The following APH1A variants were observed in gnomAD, a reference collection of about 807,000 sequenced individuals.
APH1A encodes gamma-secretase subunit APH-1A.
APH1A carries 16 observed loss-of-function variants against 30.3 expected under a neutral mutation model. That is an observed-to-expected ratio of 0.53 (90% confidence interval 0.36 to 0.80). The LOEUF (loss-of-function observed/expected upper bound fraction) is 0.80. APH1A is among the 30% of genes least tolerant of loss of function. APH1A has a pLI of 0.01. For synonymous variants in APH1A, 144 were observed against 140.1 expected, an observed-to-expected ratio of 1.03 and a Z score of -0.20; for missense variants, 245 against 337.8, an observed-to-expected ratio of 0.73 and a Z score of 2.15.
intron 1 of APH1A, 48 bp downstream of exon 1, chr1:150,268,650 C>A (rs782497628): frequency 6.4e-7 from 1 of 1,556,494 alleles, no homozygotes. Flanking sequence ...GCCCCTTCCG[C>A]ACCTCTCTCT....
In APH1A at chr1:150,267,111, G is replaced by A. The variant is rs1553850077; in HGVS notation, c.573C>T (p.Gly191=). The A allele has an allele frequency of 1.9e-6, 3 of 1,614,116 alleles. No individual in the cohort carries two copies. Among genetic ancestry groups the A allele is most frequent in the African/African-American group, 1.3e-5 (1 of 74,980 alleles). Residue 191 remains glycine (G), a synonymous_variant, in exon 5 of 7, where the codon GGC becomes GGT. Transcript: ENST00000369109. ...ACERRRYWAL[G]LVVGSHLLTS... ...TCAGTAGGTGACTCCCAACCACCAG[G>A]CCCAAAGCCCAGTACCGTCTCCTCT...
rs1283191804 is a variant in APH1A, at chr1:150,268,814, T to C, written c.-4A>G. The C allele has an allele frequency of 1.2e-6, 2 of 1,609,610 alleles. No homozygotes were observed. The highest frequency in any genetic ancestry group is 1.7e-6 in the Non-Finnish European group (2 of 1,178,084). On this transcript the variant is annotated 5_prime_UTR_variant, in exon 1 of 7. Transcript: ENST00000369109. ...CGAAAAACACCGCAGCCCCCATGGCTGGTCAGGTGGGAAGGGGGGTGGGGG... is the reference window on the plus strand; with the variant it reads ...CGAAAAACACCGCAGCCCCCATGGCCGGTCAGGTGGGAAGGGGGGTGGGGG...
Position 150,268,661 on chromosome 1 carries a change from T to C in APH1A, c.113+37A>G, listed in dbSNP as rs782501147. The C allele has an allele frequency of 8.9e-6, 14 of 1,578,782 alleles. No homozygotes were observed. In the South Asian group the frequency reaches 1.0e-4, roughly 12 times the overall value. On this transcript the variant is annotated intron_variant, in intron 1 of 6. Coordinates refer to ENST00000369109, the MANE Select transcript of APH1A (RefSeq NM_001077628.3). ...TCCAGCCCCTTCCGCACCTCTCTCT[T>C]CGACGCTCTCCCGCGTCTCCCGGGC...
chr1:150,266,475 G>A (rs1553849911), intron 6 of APH1A, 58 bp downstream of exon 6: 1 of 1,611,076 alleles, frequency 6.2e-7, no homozygotes, highest in Non-Finnish European at 8.5e-7. Flanking sequence ...CTCAGTCATG[G>A]GCAGTGGACA....
chr1:150,266,606 G>A lies in APH1A; in HGVS notation c.660C>T (p.Val220=), dbSNP rs1553849968. ...AGGCCCAGAGCCCCATGGAAACAGT[G>A]ACTGCATAGATGGGCAGCAGGCTGG... ...YEASLLPIYA[V]TVSMGLWAFI... is the part of the protein sequence containing the mutation. The change falls in exon 6 of 7, where the codon GTC becomes GTT. Residue 220 remains valine, a synonymous_variant. Transcript: ENST00000369109. The A allele has an allele frequency of 1.9e-6, 3 of 1,613,938 alleles. No homozygotes were observed. Among genetic ancestry groups the A allele is most frequent in the Non-Finnish European group, 2.5e-6 (3 of 1,179,954 alleles).
rs587634729 is a variant in APH1A, at chr1:150,269,000, C to T, written c.-190G>A. On this transcript the variant is annotated 5_prime_UTR_variant, in exon 1 of 7. Transcript: ENST00000369109. ...CAAATGAAGGTCCGCGCCACTTCCT[C>T]TACGGAAGCCGAAGAGGGGACAAAT... The T allele has an allele frequency of 1.4e-4, 77 of 547,786 alleles. No homozygotes were observed. In the East Asian group the frequency reaches 1.6e-3, roughly 12 times the overall value. 33.9% of individuals were successfully genotyped at this position (547,786 alleles called of 1,614,324 possible).
chr1:150,267,295 T>A lies in APH1A; in HGVS notation c.481+61A>T, dbSNP rs1015865086. ...AAAGAAGTCTCTCAGGGAAGGCCAA[T>A]AAATCAGATCAGGGACAAGGATGGA... is the stretch of plus-strand genomic sequence containing the variant. On this transcript the variant is annotated intron_variant, in intron 4 of 6. Transcript: ENST00000369109. 117 of 1,612,854 alleles carry A rather than the reference T, an allele frequency of 7.3e-5. No homozygotes were observed. In the Admixed American group the frequency reaches 1.9e-3, roughly 26 times the overall value.
rs201096173 is a variant in APH1A at position 150,267,084 on chromosome 1, T to C, written c.600A>G (p.Thr200=). Residue 200 remains threonine (T), a synonymous_variant, in exon 5 of 7, where the codon ACA becomes ACG. Coordinates refer to ENST00000369109, the MANE Select transcript of APH1A (RefSeq NM_001077628.3). The part of the protein sequence containing the change: ...LGLVVGSHLL[T]SGLTFLNPWY... ...CCTGTCTCCAACTCACCAGTCCCGA[T>C]GTCAGTAGGTGACTCCCAACCACCA... is the stretch of plus-strand genomic sequence containing the variant. 1.2e-6 allele frequency: 2 copies of C among 1,614,058 alleles called. No homozygotes were observed. Among genetic ancestry groups the C allele is most frequent in the Non-Finnish European group, 1.7e-6 (2 of 1,180,034 alleles).
rs782641325 is a variant in APH1A at position 150,266,188 on chromosome 1, C to G, written c.740G>C (p.Arg247Pro). The G allele has an allele frequency of 6.2e-7, 1 of 1,600,908 alleles. No individual in the cohort carries two copies. The highest frequency in any genetic ancestry group is 2.3e-5 in the East Asian group (1 of 44,330). Residue 247 changes from arginine to proline, a missense_variant, in exon 7 of 7, where the codon CGG (arginine) becomes CCG (proline). Physicochemically the swap from Arg to Pro is moderately radical, Grantham distance 103. Transcript: ENST00000369109. ...RSIQRSLLCRRQEDSRVMVYS... is the reference protein window; with the variant it reads ...RSIQRSLLCRPQEDSRVMVYS... ...CACCATCACCCGACTGTCCTCCTGC[C>G]GTCGGCCTGCAGAGGGGAAGGGAGG... is the stretch of plus-strand genomic sequence containing the variant.
At position 150,268,275 on chromosome 1, in the gene APH1A, C is replaced by A. The variant is rs1651912056; in HGVS notation, c.114-148G>T. 6 of 842,490 alleles carry A rather than the reference C, an allele frequency of 7.1e-6. No homozygotes were observed. The Admixed American group carries it at 1.7e-4, about 24-fold the overall frequency. 52.2% of individuals were successfully genotyped at this position (842,490 alleles called of 1,614,324 possible). On this transcript the variant is annotated intron_variant, in intron 1 of 6. Transcript: ENST00000369109. Reference sequence around the variant, plus strand: ...GGACCAGGTAGGGTAACTGTCTCCACCAAGAGACTCATCTGTAGAAAAGTG... The same window carrying A: ...GGACCAGGTAGGGTAACTGTCTCCAACAAGAGACTCATCTGTAGAAAAGTG...
intron 4 of APH1A, 29 bp downstream of exon 4, chr1:150,267,327 G>T: frequency 6.2e-7 from 1 of 1,613,866 alleles, no homozygotes. Context: ...TGGATGGGGG[G>T]TAAAGGCTAG....
At position 150,266,200 on chromosome 1, in the gene APH1A, G is replaced by A; in HGVS notation, c.734-6C>T. On this transcript the variant is annotated splice_region_variant and splice_polypyrimidine_tract_variant and intron_variant, in intron 6 of 6. Transcript: ENST00000369109. ...ACTGTCCTCCTGCCGTCGGCCTGCA[G>A]AGGGGAAGGGAGGTGAGTCTTGGGC... 1.3e-6 allele frequency: 2 copies of A among 1,595,190 alleles called. No homozygotes were observed. Among genetic ancestry groups the A allele is most frequent in the Non-Finnish European group, 1.7e-6 (2 of 1,170,900 alleles).
At chr1:150,267,671 G>A in intron 3 of APH1A, 45 bp downstream of exon 3, 1 of 1,592,634 alleles carries the variant, frequency 6.3e-7, no homozygotes, top group Non-Finnish European at 8.6e-7. Flanking sequence ...CCCTAGAGGA[G>A]GGGGCTGTCC....
At position 150,268,894 on chromosome 1, in the gene APH1A, G is replaced by A; in HGVS notation, c.-84C>T. On this transcript the variant is annotated 5_prime_UTR_variant, in exon 1 of 7. Coordinates refer to ENST00000369109, the MANE Select transcript of APH1A (RefSeq NM_001077628.3). ...GCGCCAGCTGGGGAGTCCGCGTGGG[G>A]TGGCAACGCGACCCCACGAGGGGCG... 1 of 1,245,076 alleles carries A rather than the reference G, an allele frequency of 8.0e-7. No homozygotes were observed. Among genetic ancestry groups the A allele is most frequent in the Non-Finnish European group, 1.1e-6 (1 of 879,580 alleles). The allele number at this position is 1,245,076 out of a possible 1,614,324, so 77.1% of individuals were successfully genotyped here. A position where few individuals can be genotyped will look rare whatever the true frequency, so the allele number is the denominator to read the frequency against.
In APH1A at chr1:150,266,213, G is replaced by A. The variant is rs587640562; in HGVS notation, c.734-19C>T. On this transcript the variant is annotated intron_variant, in intron 6 of 6. Coordinates refer to ENST00000369109, the MANE Select transcript of APH1A (RefSeq NM_001077628.3). ...CGTCGGCCTGCAGAGGGGAAGGGAG[G>A]TGAGTCTTGGGCAGGGTGAGAGCAG... is the stretch of plus-strand genomic sequence containing the variant. The A allele has an allele frequency of 1.0e-5, 16 of 1,589,486 alleles. No individual in the cohort carries two copies. In the Admixed American group the frequency reaches 1.2e-4, roughly 12 times the overall value.
At chr1:150,266,677 A>G in intron 5 of APH1A, 21 bp from the exon 6 acceptor site, 3 of 1,613,238 alleles carry the variant, frequency 1.9e-6, no homozygotes, top group Non-Finnish European at 2.5e-6. Context: ...GGGTAAGAGT[A>G]GGAAAGAGAT....
Position 150,268,906 on chromosome 1 carries a change from C to T in APH1A, c.-96G>A. 1 of 1,083,308 alleles carries T rather than the reference C, an allele frequency of 9.2e-7. No individual in the cohort carries two copies. Among genetic ancestry groups the T allele is most frequent in the Non-Finnish European group, 1.4e-6 (1 of 738,718 alleles). The allele number at this position is 1,083,308 out of a possible 1,614,324, so 67.1% of individuals were successfully genotyped here. A position where few individuals can be genotyped will look rare whatever the true frequency, so the allele number is the denominator to read the frequency against. On this transcript the variant is annotated 5_prime_UTR_variant, in exon 1 of 7. Transcript: ENST00000369109. ...GAGTCCGCGTGGGGTGGCAACGCGACCCCACGAGGGGCGCGGTGCAATGTC... is the reference window on the plus strand; with the variant it reads ...GAGTCCGCGTGGGGTGGCAACGCGATCCCACGAGGGGCGCGGTGCAATGTC...
rs1553850259 is a variant in APH1A, at chr1:150,267,825, G to A, written c.285-36C>T. On this transcript the variant is annotated intron_variant, in intron 2 of 6. Coordinates refer to ENST00000369109, the MANE Select transcript of APH1A (RefSeq NM_001077628.3). ...GTGGGGTAGGGGAAACATGAGGGAGGGCAGGGATGCTCCTTTCCCTCTAAT... is the reference window on the plus strand; with the variant it reads ...GTGGGGTAGGGGAAACATGAGGGAGAGCAGGGATGCTCCTTTCCCTCTAAT... 51 of 1,612,746 alleles carry A rather than the reference G, an allele frequency of 3.2e-5. No individual in the cohort carries two copies. In the Middle Eastern group the frequency reaches 6.6e-4, roughly 21 times the overall value.
At chr1:150,266,874 T>C in intron 5 of APH1A, 2 of 1,061,100 alleles carry the variant, frequency 1.9e-6, no homozygotes, top group South Asian at 1.7e-5. Context: ...CCCTCTGCAT[T>C]ACAGTTTGAC....
Sources: gnomAD v4.1 joint callset for allele counts on GRCh38, gnomAD v4.1.1 for gene constraint, MANE v1.5 for transcripts, NCBI Gene and HGNC (gene_info 2026-07-23, HGNC 2026-07-21) for gene names.